CCDC66: variants seen among roughly 807,000 people sequenced by gnomAD.
The protein encoded by CCDC66 is coiled-coil domain-containing protein 66.
Under a neutral mutation model 128.3 loss-of-function variants are expected in CCDC66, and 133 were observed. That is an observed-to-expected ratio of 1.04 (90% confidence interval 0.90 to 1.20). CCDC66 has a LOEUF of 1.20. Ranked by LOEUF, CCDC66 falls within the 50% of genes most tolerant of loss-of-function variation. The pLI, the probability that CCDC66 is intolerant of heterozygous loss-of-function variation, is 0.00. For synonymous variants in CCDC66, 387 were observed against 357.0 expected (o/e 1.08, Z -0.95); for missense variants, 1,126 against 1,075.5 (o/e 1.05, Z -0.66).
At chr3:56,618,346 G>A (rs2075801761) in intron 15 of CCDC66, 134 bp downstream of exon 15, 3 of 804,768 alleles carry the variant, frequency 3.7e-6, no homozygotes, top group East Asian at 5.1e-5. Flanking sequence ...CCAGGTGAGG[G>A]TTAGAGGTTT....
At chr3:56,572,576 C>A (rs899439838) in intron 7 of CCDC66, 1 of 247,552 alleles carries the variant, frequency 4.0e-6, no homozygotes, top group Non-Finnish European at 8.1e-6. Context: ...CATTTGCTAT[C>A]CCTTCCTCCT....
intron 3 of CCDC66, among the ~76,000 whole-genome samples, chr3:56,563,124 G>A (rs1333250973): frequency 1.3e-5 from 2 of 151,628 alleles, no homozygotes; most frequent in African/African-American, 4.8e-5. Flanking sequence ...TCTTTGGGAG[G>A]CCAAGGCAGG....
intron 7 of CCDC66, among the ~76,000 whole-genome samples, chr3:56,588,586 G>A (rs2070266244): frequency 6.6e-6 from 1 of 152,074 alleles, no homozygotes; most frequent in Non-Finnish European, 1.5e-5. Flanking sequence ...GCACCAAGTG[G>A]GGTGATGTTA....
rs766423875 is a variant in CCDC66, at chr3:56,621,595, G to T, written c.2824G>T (p.Glu942Ter). 3.2e-5 allele frequency: 51 copies of T among 1,598,610 alleles called. No individual in the cohort carries two copies. Among genetic ancestry groups the T allele is most frequent in the Non-Finnish European group, 4.2e-5 (49 of 1,173,230 alleles). The stretch of plus-strand genomic sequence containing the variant: ...CCTGCCTTTAGCTGAAAATCAAGAA[G>T]AGAGTTTTGGTTCTTCATTTTAAAT... ...SLLPLAENQE[E>*]SFGSSF The change falls in exon 18 of 18, where the codon GAG becomes TAG. Residue 942 changes from glutamate to a stop codon, truncating the protein, a stop_gained. Transcript: ENST00000394672. LOFTEE classifies it high-confidence loss of function.
rs553461819 is a variant in CCDC66, at chr3:56,612,800, C to T, written c.1405-789C>T. ...ATGGTGGTGTCCTGGGCAGGGCAGT[C>T]CCCAGGTCCCTGGACCAATGTGCTT... On this transcript the variant is annotated intron_variant, in intron 10 of 17. Coordinates refer to ENST00000394672, the MANE Select transcript of CCDC66 (RefSeq NM_001141947.3). Among the ~76,000 whole-genome samples, 11 of 152,250 alleles carry T rather than the reference C, an allele frequency of 7.2e-5. No homozygotes were observed. In the East Asian group the frequency reaches 2.1e-3, roughly 29 times the overall value.
At chr3:56,587,869 A>T (rs997404193) in intron 7 of CCDC66, among the ~76,000 whole-genome samples, 5 of 152,214 alleles carry the variant, frequency 3.3e-5, no homozygotes, top group African/African-American at 1.2e-4. Flanking sequence ...CGTCTCAAAA[A>T]ATAAAAGTAA....
At chr3:56,612,555 A>C (rs2107321585) in intron 10 of CCDC66, among the ~76,000 whole-genome samples, 1 of 152,218 alleles carries the variant, frequency 6.6e-6, no homozygotes, top group Admixed American at 6.5e-5. Flanking sequence ...GTGGGTGAGT[A>C]GGTTTTCAAG....
In CCDC66 at chr3:56,566,721, T is replaced by C. The variant is rs1276186129; in HGVS notation, c.672T>C (p.His224=). Residue 224 remains histidine, a synonymous_variant, in exon 5 of 18, where the codon CAT becomes CAC. Coordinates refer to ENST00000394672, the MANE Select transcript of CCDC66 (RefSeq NM_001141947.3). ...PAENKSVLNE[H]QETSKQCEQK... is the part of the protein sequence containing the mutation. Reference sequence around the variant, plus strand: ...AAAATAAATCTGTCTTAAATGAACATCAGGAGACATCTAAACAGTGTGAGC... The same window carrying C: ...AAAATAAATCTGTCTTAAATGAACACCAGGAGACATCTAAACAGTGTGAGC... 2 of 1,613,756 alleles carry C rather than the reference T, an allele frequency of 1.2e-6. No individual in the cohort carries two copies. Among genetic ancestry groups the C allele is most frequent in the South Asian group, 1.1e-5 (1 of 91,010 alleles).
At position 56,563,741 on chromosome 3, in the gene CCDC66, C is replaced by T. The variant is rs1368411082; in HGVS notation, c.160C>T (p.Leu54=). 1.3e-6 allele frequency: 2 copies of T among 1,551,358 alleles called. No individual in the cohort carries two copies. Among genetic ancestry groups the T allele is most frequent in the African/African-American group, 1.4e-5 (1 of 72,958 alleles). ...TTTAAGAACAAAAACTGGGCACATTCTAAAATCAACACAAGATACTTGTAT... is the reference window on the plus strand; with the variant it reads ...TTTAAGAACAAAAACTGGGCACATTTTAAAATCAACACAAGATACTTGTAT... The part of the protein sequence containing the change: ...CPLRTKTGHI[L]KSTQDTCIGS... The change falls in exon 4 of 18, where the codon CTA becomes TTA. Residue 54 remains leucine, a synonymous_variant. Coordinates refer to ENST00000394672, the MANE Select transcript of CCDC66 (RefSeq NM_001141947.3).
intron 10 of CCDC66, among the ~76,000 whole-genome samples, chr3:56,609,031 G>A (rs2074445545): frequency 6.6e-6 from 1 of 152,114 alleles, no homozygotes; most frequent in African/African-American, 2.4e-5. Flanking sequence ...CTGTCATATA[G>A]TCTATTTTGG....
rs142905256 is a variant in CCDC66, at chr3:56,601,591, C to A, written c.1404+7563C>A. Among the ~76,000 whole-genome samples the A allele has an allele frequency of 9.2e-3, 1,398 of 152,106 alleles. 39 individuals are homozygous for A. The highest frequency in any genetic ancestry group is 0.032 in the African/African-American group (1,310 of 41,398). On this transcript the variant is annotated intron_variant, in intron 10 of 17. Transcript: ENST00000394672. ...TATGGTCATTTTCACAATATTAATT[C>A]TTCCTATCCATGAGTATGGAGTGTT...
At chr3:56,567,439 A>G (rs1214117398) in intron 6 of CCDC66, among the ~76,000 whole-genome samples, 1 of 152,244 alleles carries the variant, frequency 6.6e-6, no homozygotes, top group Non-Finnish European at 1.5e-5. Context: ...TTAGGGGCCA[A>G]GGGAAAACGT....
At chr3:56,597,976 G>A (rs891134718) in intron 10 of CCDC66, among the ~76,000 whole-genome samples, 1 of 151,222 alleles carries the variant, frequency 6.6e-6, no homozygotes, top group African/African-American at 2.4e-5. Flanking sequence ...GGGTTTCGCA[G>A]TGTTGGCCAG....
chr3:56,573,124 G>A, intron 7 of CCDC66, among the ~76,000 whole-genome samples: 1 of 152,236 alleles, frequency 6.6e-6, no homozygotes, highest in Non-Finnish European at 1.5e-5. Context: ...CAGTTGAAAT[G>A]TCAATATATA....
intron 3 of CCDC66, among the ~76,000 whole-genome samples, chr3:56,562,928 T>A (rs1268240929): frequency 6.6e-6 from 1 of 151,840 alleles, no homozygotes; most frequent in African/African-American, 2.4e-5. Context: ...ATTACAGGCA[T>A]GAGCCATTGC....
intron 3 of CCDC66, chr3:56,561,047 AT>A (rs1174681494): frequency 2.3e-6 from 1 of 427,252 alleles, no homozygotes; most frequent in African/African-American, 2.1e-5. Context: ...CAAACTACAT[AT>A]AAAAATTGTT....
chr3:56,578,515 C>T (rs988563322), intron 7 of CCDC66, among the ~76,000 whole-genome samples: 1 of 151,724 alleles, frequency 6.6e-6, no homozygotes, highest in Admixed American at 6.6e-5. Context: ...TTCCAGTTTT[C>T]GTCCATTCAG....
chr3:56,612,292 T>A (rs1024336190), intron 10 of CCDC66, among the ~76,000 whole-genome samples: 1 of 152,166 alleles, frequency 6.6e-6, no homozygotes, highest in African/African-American at 2.4e-5. Flanking sequence ...GAAAACAGTA[T>A]CTGTGGTATC....
intron 10 of CCDC66, among the ~76,000 whole-genome samples, chr3:56,595,967 T>G (rs1270116472): frequency 6.6e-6 from 1 of 152,246 alleles, no homozygotes; most frequent in Non-Finnish European, 1.5e-5. Flanking sequence ...CAGTCTGGTA[T>G]GCAGTGGCAT....
Sources: gnomAD v4.1 joint callset for allele counts (sites outside exome capture counted in the v4.1 genomes callset) on GRCh38, gnomAD v4.1.1 for gene constraint, MANE v1.5 for transcripts, NCBI Gene and HGNC (gene_info 2026-07-23, HGNC 2026-07-21) for gene names.